CBL: variants seen among roughly 807,000 people sequenced by gnomAD.
The protein encoded by CBL is Cbl proto-oncogene.
A neutral mutation model predicts 96.9 loss-of-function variants in CBL; 45 were observed. That is an observed-to-expected ratio of 0.46 (90% CI 0.37 to 0.60). CBL has a LOEUF of 0.60. CBL is among the 20% of genes least tolerant of loss of function. CBL has a pLI of 0.00. For synonymous variants in CBL, 420 were observed against 426.8 expected (o/e 0.98, Z 0.20); for missense variants, 1,024 against 1,143.5 (o/e 0.90, Z 1.51).
At chr11:119,275,219 TC>T (rs1949879447) in intron 5 of CBL, among the ~76,000 whole-genome samples, 1 of 152,146 alleles carries the variant, frequency 6.6e-6, no homozygotes, top group African/African-American at 2.4e-5. Flanking sequence ...GGCGGGCAGA[TC>T]ACGAGGTCAG....
intron 12 of CBL, among the ~76,000 whole-genome samples, chr11:119,288,487 AGAGAG>A (rs1950001814): frequency 6.6e-6 from 1 of 151,726 alleles, no homozygotes; most frequent in Admixed American, 6.6e-5. Context: ...AGAGAGAGAG[AGAGAG>A]AGCACGCACA....
intron 2 of CBL, among the ~76,000 whole-genome samples, chr11:119,257,148 A>G (rs2135284882): frequency 6.6e-6 from 1 of 152,220 alleles, no homozygotes; most frequent in East Asian, 1.9e-4. Flanking sequence ...AAATCTTCAT[A>G]CTATTTTCCA....
intron 1 of CBL, among the ~76,000 whole-genome samples, chr11:119,209,100 T>TA (rs1464298457): frequency 6.6e-6 from 1 of 152,244 alleles, no homozygotes; most frequent in Non-Finnish European, 1.5e-5. Flanking sequence ...GTTAGTCTGA[T>TA]ACGTTTATAC....
intron 1 of CBL, among the ~76,000 whole-genome samples, chr11:119,214,143 C>T (rs973817259): frequency 6.6e-6 from 1 of 151,796 alleles, no homozygotes; most frequent in African/African-American, 2.4e-5. Context: ...CAGGGTTTCA[C>T]TATGTTGGCC....
intron 9 of CBL, among the ~76,000 whole-genome samples, chr11:119,280,635 AC>A (rs1949926438): frequency 1.3e-5 from 2 of 152,280 alleles, no homozygotes; most frequent in African/African-American, 2.4e-5. Flanking sequence ...AAAAAAACTT[AC>A]AAAAACATTG....
intron 1 of CBL, among the ~76,000 whole-genome samples, chr11:119,210,401 G>A (rs1949306477): frequency 6.6e-6 from 1 of 151,892 alleles, no homozygotes; most frequent in Non-Finnish European, 1.5e-5. Context: ...TGCTTTAAAT[G>A]TAAATTTAAA....
chr11:119,207,995 A>G (rs933768413), intron 1 of CBL, among the ~76,000 whole-genome samples: 1 of 152,180 alleles, frequency 6.6e-6, no homozygotes, highest in African/African-American at 2.4e-5. Flanking sequence ...TTTCATAGCC[A>G]CCTTTTTAGG....
chr11:119,255,989 C>T lies in CBL; in HGVS notation c.444-15746C>T, dbSNP rs546650163. Among the ~76,000 whole-genome samples, 23 of 151,548 alleles carry T rather than the reference C, an allele frequency of 1.5e-4. No individual in the cohort carries two copies. The East Asian group carries it at 4.1e-3, about 27-fold the overall frequency. ...GTCTCAAGCAGTCCTCCTGCCTTGG[C>T]CTTGCACAGTGCTGGGATTACAGGC... On this transcript the variant is annotated intron_variant, in intron 2 of 15. Coordinates refer to ENST00000264033, the MANE Select transcript of CBL (RefSeq NM_005188.4).
intron 1 of CBL, among the ~76,000 whole-genome samples, chr11:119,220,038 C>T (rs528115620): frequency 7.9e-5 from 12 of 151,920 alleles, no homozygotes; most frequent in African/African-American, 1.4e-4. Context: ...TTAGTAGAGG[C>T]GGGGTTTCAC....
intron 11 of CBL, 55 bp downstream of exon 11, chr11:119,285,621 C>T: frequency 6.3e-7 from 1 of 1,578,154 alleles, no homozygotes; most frequent in South Asian, 1.1e-5. Context: ...GTGGGCCAGG[C>T]ACAGTGGCTC....
chr11:119,232,417 A>G, intron 1 of CBL, 31 bp from the exon 2 acceptor site: 2 of 1,610,614 alleles, frequency 1.2e-6, no homozygotes, highest in Non-Finnish European at 1.7e-6. Context: ...AAATTCTCCA[A>G]GTAATAGCCC....
chr11:119,239,473 T>TA (rs1949569129), intron 2 of CBL, among the ~76,000 whole-genome samples: 1 of 152,216 alleles, frequency 6.6e-6, no homozygotes, highest in Non-Finnish European at 1.5e-5. Flanking sequence ...AGAACTTACT[T>TA]ATTGGCTCTA....
chr11:119,253,255 T>C (rs1007633754), intron 2 of CBL, among the ~76,000 whole-genome samples: 1 of 151,962 alleles, frequency 6.6e-6, no homozygotes, highest in African/African-American at 2.4e-5. Context: ...TTAAGTATTC[T>C]CATAAGATTG....
Position 119,210,603 on chromosome 11 carries a change from ATTTTTTTTT to A in CBL, c.195+4008_195+4016del, listed in dbSNP as rs768564444. Among the ~76,000 whole-genome samples, 16 of 98,656 alleles carry A rather than the reference ATTTTTTTTT, an allele frequency of 1.6e-4. No homozygotes were observed. In the South Asian group the frequency reaches 3.3e-3, roughly 20 times the overall value. 64.7% of individuals were successfully genotyped at this position (98,656 alleles called of 152,430 possible). On this transcript the variant is annotated intron_variant, in intron 1 of 15. Transcript: ENST00000264033. ...GCCACCACACCTGGCTAATTTTTCA[ATTTTTTTTT>A]TTTTTTTTTTTTTTTTACTAGAGAC...
chr11:119,278,005 C>G (rs1223566861), intron 7 of CBL, among the ~76,000 whole-genome samples, 161 bp downstream of exon 7: 1 of 152,110 alleles, frequency 6.6e-6, no homozygotes, highest in Non-Finnish European at 1.5e-5. Flanking sequence ...AAAATAGGAC[C>G]CAGACTAGAT....
intron 2 of CBL, among the ~76,000 whole-genome samples, chr11:119,235,697 C>T (rs954061977): frequency 2.6e-5 from 4 of 152,158 alleles, no homozygotes; most frequent in Non-Finnish European, 4.4e-5. Context: ...AGTGAATCCA[C>T]ACAGTTAAAC....
intron 1 of CBL, among the ~76,000 whole-genome samples, chr11:119,207,912 C>G (rs574084868): frequency 2.6e-5 from 4 of 152,154 alleles, no homozygotes; most frequent in Non-Finnish European, 5.9e-5. Context: ...AGCACTTAGC[C>G]AATGTAATGT....
At chr11:119,254,510 G>A (rs1321514171) in intron 2 of CBL, among the ~76,000 whole-genome samples, 2 of 152,128 alleles carry the variant, frequency 1.3e-5, no homozygotes, top group East Asian at 3.8e-4. Context: ...ACTGTACTGA[G>A]TACTGTAGAC....
intron 3 of CBL, 120 bp downstream of exon 3, chr11:119,272,001 A>G: frequency 1.1e-6 from 1 of 881,186 alleles, no homozygotes; most frequent in Non-Finnish European, 1.8e-6. Flanking sequence ...ATATATGTGT[A>G]TGTATTTCCT....
Sources: gnomAD v4.1 joint callset for allele counts (sites outside exome capture counted in the v4.1 genomes callset) on GRCh38, gnomAD v4.1.1 for gene constraint, MANE v1.5 for transcripts, NCBI Gene and HGNC (gene_info 2026-07-23, HGNC 2026-07-21) for gene names.